Variants in GMEB1 observed in about 807,000 individuals in gnomAD.
GMEB1 encodes glucocorticoid modulatory element binding protein 1.
GMEB1 carries 6 observed loss-of-function variants against 52.4 expected under a neutral mutation model. The observed-to-expected ratio is 0.11, with a 90% confidence interval of 0.06 to 0.23. The LOEUF (loss-of-function observed/expected upper bound fraction) is 0.23, where lower values mean the gene tolerates loss of function less well. GMEB1 is among the 10% of genes least tolerant of loss of function. The pLI is 1.00. For synonymous variants in GMEB1, 255 were observed against 244.9 expected (o/e 1.04, Z -0.38); for missense variants, 486 against 685.6 (o/e 0.71, Z 3.25).
chr1:28,697,787 C>T (rs1243196822), intron 6 of GMEB1, among the ~76,000 whole-genome samples: 2 of 152,042 alleles, frequency 1.3e-5, no homozygotes, highest in Non-Finnish European at 2.9e-5. Context: ...GCAGGCTAGG[C>T]GTGGTGGCTG....
At position 28,716,788 on chromosome 1, in the gene GMEB1, A is replaced by G. The variant is rs1280003447; in HGVS notation, c.*2015A>G. 1.3e-5 allele frequency: 2 copies of G among 150,694 alleles called. No homozygotes were observed. The highest frequency in any genetic ancestry group is 4.9e-5 in the African/African-American group (2 of 40,906). 9.3% of individuals were successfully genotyped at this position (150,694 alleles called of 1,614,324 possible). ...TTGTTTTGTTTTTAATGTTGTTTGT[A>G]TATTTAGAGCTGGGCCATTTTCCGT... On this transcript the variant is annotated 3_prime_UTR_variant, in exon 10 of 10. Coordinates refer to ENST00000373816, the MANE Select transcript of GMEB1 (RefSeq NM_001319674.2).
At chr1:28,698,116 G>GT (rs1444796729) in intron 6 of GMEB1, among the ~76,000 whole-genome samples, 1 of 151,296 alleles carries the variant, frequency 6.6e-6, no homozygotes, top group Non-Finnish European at 1.5e-5. Context: ...CTCCATCCTG[G>GT]GCAACAGAGT....
Position 28,704,321 on chromosome 1 carries a change from A to G in GMEB1, c.860A>G (p.Gln287Arg), listed in dbSNP as rs757256643. 4 of 1,612,092 alleles carry G rather than the reference A, an allele frequency of 2.5e-6. No homozygotes were observed. The South Asian group carries it at 4.4e-5, about 18-fold the overall frequency. The change falls in exon 8 of 10, where the codon CAA becomes CGA. Residue 287 changes from glutamine (Q) to arginine (R), a missense_variant. Physicochemically the swap from Gln to Arg is conservative, Grantham distance 43. Coordinates refer to ENST00000373816, the MANE Select transcript of GMEB1 (RefSeq NM_001319674.2). ...VQQRLIQAPF[Q>R]VTDAAVLNNV... ...CAGCGGCTCATCCAGGCTCCCTTCC[A>G]AGTCACAGGTAAGTGCACTAATCCT...
chr1:28,691,576 T>C lies in GMEB1; in HGVS notation c.212-9T>C, dbSNP rs1263321490. The C allele has an allele frequency of 3.3e-6, 5 of 1,520,226 alleles. No homozygotes were observed. The highest frequency in any genetic ancestry group is 4.5e-6 in the Non-Finnish European group (5 of 1,119,524). The allele number at this position is 1,520,226 out of a possible 1,614,324, so 94.2% of individuals were successfully genotyped here. A position where few individuals can be genotyped will look rare whatever the true frequency, so the allele number is the denominator to read the frequency against. ...TTTGATAAATAACTGATATTTTTTC[T>C]GTTTTCAGATACAGGCACTATAGAA... On this transcript the variant is annotated splice_polypyrimidine_tract_variant and intron_variant, in intron 3 of 9. Transcript: ENST00000373816.
At chr1:28,690,342 T>C (rs1669903605) in intron 3 of GMEB1, among the ~76,000 whole-genome samples, 156 bp downstream of exon 3, 1 of 151,870 alleles carries the variant, frequency 6.6e-6, no homozygotes. Flanking sequence ...ATTTTGATGG[T>C]GGTACATCTT....
chr1:28,697,497 C>A (rs1243547621), intron 6 of GMEB1, among the ~76,000 whole-genome samples: 1 of 152,152 alleles, frequency 6.6e-6, no homozygotes, highest in East Asian at 1.9e-4. Context: ...CATGAGCCAC[C>A]ATGCCTGTCC....
intron 8 of GMEB1, among the ~76,000 whole-genome samples, chr1:28,710,150 A>G (rs1670979237): frequency 2.0e-5 from 3 of 152,056 alleles, no homozygotes; most frequent in Admixed American, 2.0e-4. Context: ...CTGTCTCCAA[A>G]AAAAGGAAAA....
chr1:28,671,699 G>A (rs914319654), intron 1 of GMEB1, among the ~76,000 whole-genome samples: 1 of 151,942 alleles, frequency 6.6e-6, no homozygotes. Flanking sequence ...AGCCGAGAGC[G>A]CACCACTGCT....
intron 9 of GMEB1, among the ~76,000 whole-genome samples, chr1:28,711,752 G>T (rs1671070964): frequency 6.6e-6 from 1 of 152,194 alleles, no homozygotes; most frequent in Non-Finnish European, 1.5e-5. Context: ...ATTGTGCTCA[G>T]CCCTATTAGT....
chr1:28,671,068 C>T (rs192673537), intron 1 of GMEB1, among the ~76,000 whole-genome samples: 81 of 152,276 alleles, frequency 5.3e-4, no homozygotes, highest in African/African-American at 1.9e-3. Context: ...ATTTCACCTC[C>T]TCTGGATACT....
rs1671269315 is a variant in GMEB1 at position 28,716,227 on chromosome 1, G to C, written c.*1454G>C. On this transcript the variant is annotated 3_prime_UTR_variant, in exon 10 of 10. Coordinates refer to ENST00000373816, the MANE Select transcript of GMEB1 (RefSeq NM_001319674.2). ...TAAGCTAGGACCAGTCCATTCATTT[G>C]AAACTGTGCAATGTGATGTAAATGG... 6.6e-6 allele frequency: 1 copy of C among 152,234 alleles called. No homozygotes were observed. The highest frequency in any genetic ancestry group is 2.1e-4 in the South Asian group (1 of 4,826). The allele number at this position is 152,234 out of a possible 1,614,324, so 9.4% of individuals were successfully genotyped here.
intron 2 of GMEB1, among the ~76,000 whole-genome samples, chr1:28,688,337 T>G (rs1292170778): frequency 1.3e-5 from 2 of 152,210 alleles, no homozygotes; most frequent in African/African-American, 4.8e-5. Flanking sequence ...TGGCTGTGTT[T>G]GAATGTGAAA....
intron 5 of GMEB1, among the ~76,000 whole-genome samples, chr1:28,694,046 A>G (rs939740738): frequency 1.6e-4 from 25 of 152,132 alleles, no homozygotes; most frequent in Non-Finnish European, 8.8e-5. Context: ...GAGATTTTAC[A>G]TGGAAAAATG....
chr1:28,714,418 A>C lies in GMEB1; in HGVS notation c.1337A>C (p.Lys446Thr), dbSNP rs1236489669. 1.2e-6 allele frequency: 2 copies of C among 1,614,188 alleles called. No individual in the cohort carries two copies. Among genetic ancestry groups the C allele is most frequent in the African/African-American group, 1.3e-5 (1 of 75,036 alleles). The change falls in exon 10 of 10, where the codon AAG becomes ACG. Residue 446 changes from lysine to threonine, a missense_variant. Lys to Thr is a moderately conservative substitution (Grantham distance 78, BLOSUM62 -1). Transcript: ENST00000373816. Reference sequence around the variant, plus strand: ...TATGCCACAGTGGTCTCCTCTGCCAAGAGCAGCTCACCAGACACAGTGACC... The same window carrying C: ...TATGCCACAGTGGTCTCCTCTGCCACGAGCAGCTCACCAGACACAGTGACC... Reference protein sequence around the residue: ...FRYATVVSSAKSSSPDTVTIH... With the variant: ...FRYATVVSSATSSSPDTVTIH...
Position 28,683,664 on chromosome 1 carries a change from A to G in GMEB1, c.52A>G (p.Thr18Ala). 1.2e-6 allele frequency: 2 copies of G among 1,611,804 alleles called. No homozygotes were observed. Among genetic ancestry groups the G allele is most frequent in the Middle Eastern group, 3.3e-4 (2 of 6,052 alleles). Reference protein sequence around the residue: ...VPVGDVVVVPTEGNEGENPED... With the variant: ...VPVGDVVVVPAEGNEGENPED... ...AGTGGGGGATGTGGTTGTGGTACCT[A>G]CTGAAGGAAATGAAGGGGAGAATCC... Residue 18 changes from threonine to alanine, a missense_variant, in exon 2 of 10, where the codon ACT becomes GCT. By Grantham distance (58) the Thr-to-Ala change is moderately conservative. Transcript: ENST00000373816.
intron 8 of GMEB1, among the ~76,000 whole-genome samples, chr1:28,707,571 G>A (rs1670842654): frequency 6.6e-6 from 1 of 152,152 alleles, no homozygotes; most frequent in Non-Finnish European, 1.5e-5. Flanking sequence ...ATACCGGGAT[G>A]ATTCACACAT....
intron 1 of GMEB1, among the ~76,000 whole-genome samples, chr1:28,682,438 G>A (rs1389536105): frequency 2.0e-5 from 3 of 151,882 alleles, no homozygotes; most frequent in Admixed American, 1.3e-4. Context: ...TGGCCAACAC[G>A]GTGAAATCCC....
At chr1:28,694,863 C>G (rs143084499) in intron 5 of GMEB1, among the ~76,000 whole-genome samples, 157 of 151,534 alleles carry the variant, frequency 1.0e-3, no homozygotes, top group African/African-American at 3.7e-3. Context: ...AGGGTTTCAC[C>G]ATATTGGTCA....
Position 28,714,807 on chromosome 1 carries a change from T to G in GMEB1, c.*34T>G, listed in dbSNP as rs1671217548. Reference sequence around the variant, plus strand: ...CTCAGGGCCAGGAGTTATGTTTTGATTTGGAATTTTAATTATTTGTTTATT... The same window carrying G: ...CTCAGGGCCAGGAGTTATGTTTTGAGTTGGAATTTTAATTATTTGTTTATT... On this transcript the variant is annotated 3_prime_UTR_variant, in exon 10 of 10. Coordinates refer to ENST00000373816, the MANE Select transcript of GMEB1 (RefSeq NM_001319674.2). 7.2e-7 allele frequency: 1 copy of G among 1,394,932 alleles called. No homozygotes were observed. The highest frequency in any genetic ancestry group is 2.0e-5 in the Admixed American group (1 of 50,720). The allele number at this position is 1,394,932 out of a possible 1,614,324, so 86.4% of individuals were successfully genotyped here. A position where few individuals can be genotyped will look rare whatever the true frequency, so the allele number is the denominator to read the frequency against.
Sources: allele counts gnomAD v4.1 joint callset (sites outside exome capture counted in the v4.1 genomes callset), GRCh38; gene constraint gnomAD v4.1.1; transcripts MANE v1.5; gene names NCBI Gene and HGNC (gene_info 2026-07-23, HGNC 2026-07-21).